UNC79: variants seen among roughly 807,000 people sequenced by gnomAD.
UNC79 encodes protein unc-79 homolog.
In UNC79, 37 loss-of-function variants were observed where a neutral mutation model predicts 283.1. The ratio of observed to expected loss-of-function variants is 0.13; its 90% CI spans 0.10 to 0.17. The LOEUF (loss-of-function observed/expected upper bound fraction) is 0.17, where lower values mean the gene tolerates loss of function less well. Ranked by LOEUF, UNC79 falls within the 10% of genes least tolerant of loss-of-function variation. The probability of loss-of-function intolerance (pLI) is 1.00; values close to 1 mark genes in which losing one functional copy is unlikely to be tolerated. For missense variants in UNC79, 2,272 were observed against 3,211.1 expected (o/e 0.71, Z 7.07); for synonymous variants, 1,107 against 1,200.2 (o/e 0.92, Z 1.61).
intron 42 of UNC79, among the ~76,000 whole-genome samples, chr14:93,685,819 C>G (rs1248412627): frequency 6.6e-6 from 1 of 152,154 alleles, no homozygotes; most frequent in Non-Finnish European, 1.5e-5. Context: ...GCTTATAATC[C>G]TAAATTCACT....
chr14:93,654,075 C>T (rs751419136), intron 37 of UNC79, 50 bp downstream of exon 40: 7 of 1,529,644 alleles, frequency 4.6e-6, no homozygotes, highest in Middle Eastern at 1.7e-4. Context: ...CTCTAAGCCC[C>T]AGCACAACTG....
chr14:93,439,749 C>T (rs1039545123), intron 1 of UNC79, among the ~76,000 whole-genome samples: 2 of 152,060 alleles, frequency 1.3e-5, no homozygotes, highest in African/African-American at 4.8e-5. Flanking sequence ...TAGTGGAACT[C>T]TTTAACTTCT....
At chr14:93,669,546 C>T (rs1456683837) in intron 40 of UNC79, among the ~76,000 whole-genome samples, 1 of 152,070 alleles carries the variant, frequency 6.6e-6, no homozygotes, top group East Asian at 1.9e-4. Context: ...GTAAAGACAC[C>T]CCCATAGTAA....
At chr14:93,468,937 A>C (rs80129839) in intron 2 of UNC79, among the ~76,000 whole-genome samples, 9,966 of 152,260 alleles carry the variant, frequency 0.065, 415 homozygotes, top group Middle Eastern at 0.14. Context: ...AGTGATCATC[A>C]GAAAAATTTA....
intron 48 of UNC79, 48 bp downstream of exon 51, chr14:93,704,714 C>T (rs377443781): frequency 7.6e-5 from 122 of 1,596,066 alleles, no homozygotes; most frequent in Admixed American, 3.2e-4. Context: ...CTGCAGAGAA[C>T]GTATAACGTT....
At chr14:93,398,683 G>A (rs1295682605) in intron 1 of UNC79, among the ~76,000 whole-genome samples, 2 of 152,120 alleles carry the variant, frequency 1.3e-5, no homozygotes, top group Non-Finnish European at 1.5e-5. Context: ...AGACAGTTTA[G>A]GATTTTCCTG....
At chr14:93,678,638 A>G (rs2073561831) in intron 41 of UNC79, among the ~76,000 whole-genome samples, 1 of 152,230 alleles carries the variant, frequency 6.6e-6, no homozygotes, top group Non-Finnish European at 1.5e-5. Flanking sequence ...TCTGTTTTTT[A>G]ATTCCTAGAA....
At chr14:93,507,077 T>G (rs2140796411) in intron 7 of UNC79, among the ~76,000 whole-genome samples, 1 of 152,336 alleles carries the variant, frequency 6.6e-6, no homozygotes, top group South Asian at 2.1e-4. Flanking sequence ...TTAGTGGATA[T>G]TAGTAGTTCT....
At chr14:93,574,687 A>T (rs1256329645) in intron 16 of UNC79, among the ~76,000 whole-genome samples, 1 of 152,162 alleles carries the variant, frequency 6.6e-6, no homozygotes, top group African/African-American at 2.4e-5. Flanking sequence ...AGACAGCAGG[A>T]TCGGATGGGT....
At chr14:93,536,195 G>C (rs1256601329) in intron 11 of UNC79, among the ~76,000 whole-genome samples, 1 of 152,182 alleles carries the variant, frequency 6.6e-6, no homozygotes, top group Non-Finnish European at 1.5e-5. Context: ...TGAGAGGAAG[G>C]TAGTCATGTC....
At chr14:93,335,816 C>T (rs1040826300) in intron 1 of UNC79, among the ~76,000 whole-genome samples, 1 of 152,216 alleles carries the variant, frequency 6.6e-6, no homozygotes, top group African/African-American at 2.4e-5. Context: ...ACCAACCCAT[C>T]CCTGGTCTTT....
At chr14:93,421,601 T>C (rs1478214607) in intron 1 of UNC79, among the ~76,000 whole-genome samples, 1 of 151,544 alleles carries the variant, frequency 6.6e-6, no homozygotes, top group African/African-American at 2.4e-5. Context: ...ATACATCCTA[T>C]GAGGCCAATA....
At chr14:93,500,901 A>G (rs950121349) in intron 7 of UNC79, among the ~76,000 whole-genome samples, 1 of 152,254 alleles carries the variant, frequency 6.6e-6, no homozygotes, top group African/African-American at 2.4e-5. Flanking sequence ...AAATGGCACT[A>G]TAACCCCAAA....
chr14:93,572,924 C>T, intron 16 of UNC79, 108 bp downstream of exon 16: 2 of 1,415,930 alleles, frequency 1.4e-6, no homozygotes, highest in Non-Finnish European at 1.9e-6. Flanking sequence ...CGTAAGTCCC[C>T]ATGTTTGCCA....
chr14:93,694,469 ATTT>A, intron 47 of UNC79, 57 bp downstream of exon 50: 1 of 1,483,840 alleles, frequency 6.7e-7, no homozygotes, highest in Non-Finnish European at 9.4e-7. Flanking sequence ...ACAAATGTGG[ATTT>A]ATGTTGAAGG....
At chr14:93,695,071 C>T (rs1186335484) in intron 47 of UNC79, among the ~76,000 whole-genome samples, 1 of 152,194 alleles carries the variant, frequency 6.6e-6, no homozygotes, top group African/African-American at 2.4e-5. Flanking sequence ...CAGTAGAGAA[C>T]TTGGTTTCCC....
intron 1 of UNC79, among the ~76,000 whole-genome samples, chr14:93,465,682 G>A (rs2057147322): frequency 6.6e-6 from 1 of 152,186 alleles, no homozygotes; most frequent in Admixed American, 6.5e-5. Context: ...CTTGAATTAT[G>A]AGCAAGCCAT....
At chr14:93,347,958 C>A in intron 1 of UNC79, 1 of 939,310 alleles carries the variant, frequency 1.1e-6, no homozygotes, top group South Asian at 1.3e-5. Flanking sequence ...TTTTTAAGCA[C>A]TTTTTGTTAG....
At chr14:93,676,688 C>T (rs143148406) in intron 41 of UNC79, among the ~76,000 whole-genome samples, 10 of 152,168 alleles carry the variant, frequency 6.6e-5, no homozygotes, top group Non-Finnish European at 1.0e-4. Flanking sequence ...CAATGCAATA[C>T]ATTAGTCAAC....
Sources: allele counts gnomAD v4.1 joint callset (sites outside exome capture counted in the v4.1 genomes callset), GRCh38; gene constraint gnomAD v4.1.1; transcripts MANE v1.5; gene names NCBI Gene and HGNC (gene_info 2026-07-23, HGNC 2026-07-21).